Variants in CNTNAP5 observed in about 807,000 individuals in gnomAD.
CNTNAP5 encodes the protein contactin associated protein family member 5, also known as contactin-associated protein-like 5.
CNTNAP5 carries 72 observed loss-of-function variants against 150.2 expected under a neutral mutation model. That is an observed-to-expected ratio of 0.48 (90% CI 0.40 to 0.58). CNTNAP5 has a LOEUF of 0.58. CNTNAP5 is among the 20% of genes least tolerant of loss of function. CNTNAP5 has a pLI of 0.00. For synonymous variants in CNTNAP5, 672 were observed against 619.8 expected (o/e 1.08, Z -1.25); for missense variants, 1,636 against 1,626.2 (o/e 1.01, Z -0.10).
At chr2:124,369,811 A>G (rs1185899823) in intron 3 of CNTNAP5, among the ~76,000 whole-genome samples, 1 of 152,116 alleles carries the variant, frequency 6.6e-6, no homozygotes, top group African/African-American at 2.4e-5. Flanking sequence ...TATTGTGCAC[A>G]TCAAAACCCA....
chr2:124,079,904 A>G (rs946698459), intron 1 of CNTNAP5, among the ~76,000 whole-genome samples: 9 of 152,192 alleles, frequency 5.9e-5, no homozygotes, highest in African/African-American at 1.9e-4. Flanking sequence ...CAGTCTTCCT[A>G]TCCATAAAAC....
intron 3 of CNTNAP5, among the ~76,000 whole-genome samples, chr2:124,259,985 A>G (rs896420943): frequency 3.3e-5 from 5 of 152,184 alleles, no homozygotes; most frequent in Non-Finnish European, 5.9e-5. Flanking sequence ...CAAGCTACCA[A>G]TGACTTTCTT....
intron 3 of CNTNAP5, 110 bp downstream of exon 3, chr2:124,242,503 T>G: frequency 1.9e-6 from 2 of 1,032,414 alleles, no homozygotes; most frequent in Non-Finnish European, 2.8e-6. Context: ...TAATAACTGG[T>G]GAGTGCCCAT....
chr2:124,763,004 C>T (rs1371415149), intron 14 of CNTNAP5, among the ~76,000 whole-genome samples: 1 of 152,012 alleles, frequency 6.6e-6, no homozygotes, highest in Admixed American at 6.6e-5. Context: ...TACCATGAGT[C>T]CAAAAACACC....
At chr2:124,509,476 C>T (rs544524730) in intron 8 of CNTNAP5, among the ~76,000 whole-genome samples, 49 of 152,206 alleles carry the variant, frequency 3.2e-4, no homozygotes, top group African/African-American at 1.2e-3. Context: ...CATTGTAGAT[C>T]TTCTGCCAGT....
chr2:124,137,472 G>A (rs1573782011), intron 1 of CNTNAP5, among the ~76,000 whole-genome samples: 1 of 152,170 alleles, frequency 6.6e-6, no homozygotes, highest in African/African-American at 2.4e-5. Flanking sequence ...AATAAACTAT[G>A]AGCCCATTTA....
intron 7 of CNTNAP5, among the ~76,000 whole-genome samples, chr2:124,488,515 G>A (rs2421083): frequency 0.37 from 56,734 of 152,000 alleles, 10,989 homozygotes; most frequent in South Asian, 0.57. Context: ...CTGCTGTGAT[G>A]TGCTTAACAC....
chr2:124,915,577 T>C lies in CNTNAP5; in HGVS notation c.*1289T>C, dbSNP rs1233937223. ...GCTTGATTTCAGAGGAGCCCTTAGG[T>C]TCTGTAGCATACCACATTTTCAAAT... On this transcript the variant is annotated 3_prime_UTR_variant, in exon 24 of 24. Transcript: ENST00000682447. 6.6e-6 allele frequency among the ~76,000 whole-genome samples: 1 copy of C among 152,006 alleles called. No homozygotes were observed. Among genetic ancestry groups the C allele is most frequent in the Admixed American group, 6.6e-5 (1 of 15,252 alleles).
intron 3 of CNTNAP5, among the ~76,000 whole-genome samples, chr2:124,302,110 A>G (rs1688579079): frequency 6.6e-6 from 1 of 152,224 alleles, no homozygotes; most frequent in South Asian, 2.1e-4. Flanking sequence ...TGAGGCTGCA[A>G]CAGAAACTAA....
At chr2:124,713,289 CTTT>C (rs1679860479) in intron 13 of CNTNAP5, among the ~76,000 whole-genome samples, 2 of 102,844 alleles carry the variant, frequency 1.9e-5, no homozygotes, top group Non-Finnish European at 4.2e-5. Context: ...TTCTTTCTTT[CTTT>C]CTTTCTTTCT....
chr2:124,412,383 A>G (rs1691794238), intron 3 of CNTNAP5, among the ~76,000 whole-genome samples: 1 of 147,882 alleles, frequency 6.8e-6, no homozygotes, highest in South Asian at 2.2e-4. Context: ...AAACTACTTT[A>G]AAGTTCATAT....
intron 18 of CNTNAP5, among the ~76,000 whole-genome samples, chr2:124,791,418 T>C (rs1573619926): frequency 1.3e-5 from 2 of 152,160 alleles, no homozygotes; most frequent in East Asian, 3.9e-4. Context: ...GCTAAACAAG[T>C]AAAGTGCTGC....
intron 1 of CNTNAP5, among the ~76,000 whole-genome samples, chr2:124,148,777 ATGTGTG>A (rs1214838596): frequency 2.6e-5 from 1 of 39,162 alleles, no homozygotes; most frequent in Non-Finnish European, 6.4e-5. Context: ...GTGTGCACAT[ATGTGTG>A]TATACATATA....
At chr2:124,197,560 C>T (rs1361283442) in intron 1 of CNTNAP5, among the ~76,000 whole-genome samples, 2 of 152,198 alleles carry the variant, frequency 1.3e-5, no homozygotes, top group Middle Eastern at 3.2e-3. Context: ...TATCCTAGCA[C>T]ACATGGGGAG....
chr2:124,309,587 A>C (rs562760714), intron 3 of CNTNAP5, among the ~76,000 whole-genome samples: 1 of 152,244 alleles, frequency 6.6e-6, no homozygotes, highest in Admixed American at 6.5e-5. Context: ...GAATACAAAC[A>C]GCAATGGGGT....
intron 3 of CNTNAP5, among the ~76,000 whole-genome samples, chr2:124,383,502 G>A (rs924078681): frequency 3.3e-5 from 5 of 152,140 alleles, no homozygotes; most frequent in African/African-American, 9.7e-5. Flanking sequence ...TGTGCTTACA[G>A]ACAGCCCCAT....
intron 1 of CNTNAP5, among the ~76,000 whole-genome samples, chr2:124,041,937 C>T (rs1388324045): frequency 6.6e-6 from 1 of 152,178 alleles, no homozygotes; most frequent in African/African-American, 2.4e-5. Flanking sequence ...TCTCACCTCA[C>T]TGCAACCACC....
intron 3 of CNTNAP5, among the ~76,000 whole-genome samples, chr2:124,343,591 C>G (rs1689669003): frequency 6.6e-6 from 1 of 151,998 alleles, no homozygotes; most frequent in Admixed American, 6.6e-5. Flanking sequence ...AAAAAGATTT[C>G]AAAAGCAAAA....
chr2:124,850,762 G>A (rs1683137809), intron 19 of CNTNAP5, among the ~76,000 whole-genome samples: 1 of 152,130 alleles, frequency 6.6e-6, no homozygotes, highest in African/African-American at 2.4e-5. Flanking sequence ...GACCAGTCAA[G>A]TAGGAAGGAA....
Sources: gnomAD v4.1 joint callset for allele counts (sites outside exome capture counted in the v4.1 genomes callset) on GRCh38, gnomAD v4.1.1 for gene constraint, MANE v1.5 for transcripts, NCBI Gene and HGNC (gene_info 2026-07-23, HGNC 2026-07-21) for gene names.